OR2L13: variants seen among roughly 807,000 people sequenced by gnomAD.
The protein encoded by OR2L13 is olfactory receptor family 2 subfamily L member 13.
Under a neutral mutation model 15.3 loss-of-function variants are expected in OR2L13, and 14 were observed. The ratio of observed to expected loss-of-function variants is 0.91; its 90% CI spans 0.60 to 1.43. The LOEUF is 1.43. OR2L13 is among the 40% of genes most tolerant of loss of function. The pLI, the probability that OR2L13 is intolerant of heterozygous loss-of-function variation, is 0.00. For missense variants in OR2L13, 367 were observed against 387.9 expected (o/e 0.95, Z 0.45); for synonymous variants, 152 against 142.9 (o/e 1.06, Z -0.45).
the OR2L13 span, among the ~76,000 whole-genome samples, chr1:247,974,015 C>T: frequency 6.6e-6 from 1 of 152,284 alleles, no homozygotes; most frequent in African/African-American, 2.4e-5. Context: ...ATAGCTAAGG[C>T]TGGGAACCAA....
chr1:248,047,538 T>A, the OR2L13 span, among the ~76,000 whole-genome samples: 1 of 152,208 alleles, frequency 6.6e-6, no homozygotes, highest in Non-Finnish European at 1.5e-5. Flanking sequence ...GATTAGTAGC[T>A]GTGCTATAGG....
the OR2L13 span, among the ~76,000 whole-genome samples, chr1:247,970,911 G>T: frequency 6.6e-6 from 1 of 152,124 alleles, no homozygotes; most frequent in Admixed American, 6.6e-5. Flanking sequence ...CTTTCTGAAA[G>T]AACCATTCTT....
At chr1:247,975,837 T>C in the OR2L13 span, among the ~76,000 whole-genome samples, 1 of 152,274 alleles carries the variant, frequency 6.6e-6, no homozygotes, top group African/African-American at 2.4e-5. Context: ...TGTTGTTTTG[T>C]TTTTGCTGTT....
At chr1:247,960,503 G>C in the OR2L13 span, among the ~76,000 whole-genome samples, 2 of 152,180 alleles carry the variant, frequency 1.3e-5, no homozygotes, top group Admixed American at 1.3e-4. Context: ...AGAGGTTTCT[G>C]CTGCCTTTTG....
At chr1:248,031,291 A>G in the OR2L13 span, among the ~76,000 whole-genome samples, 3 of 152,238 alleles carry the variant, frequency 2.0e-5, no homozygotes, top group Non-Finnish European at 4.4e-5. Context: ...TGGAACATGA[A>G]TAATCAAAGA....
chr1:247,975,401 T>C, the OR2L13 span: 3 of 662,410 alleles, frequency 4.5e-6, no homozygotes, highest in Non-Finnish European at 8.6e-6. Flanking sequence ...GTCTACCACA[T>C]TAAATCTGCA....
chr1:247,944,206 CTGTT>C, the OR2L13 span, among the ~76,000 whole-genome samples: 3 of 151,696 alleles, frequency 2.0e-5, no homozygotes, highest in Admixed American at 2.0e-4. Flanking sequence ...GATGAGCTTT[CTGTT>C]TGTGAGAAAA....
At chr1:247,945,819 C>T in the OR2L13 span, among the ~76,000 whole-genome samples, 241 of 152,162 alleles carry the variant, frequency 1.6e-3, 1 homozygote, top group Non-Finnish European at 2.7e-3. Flanking sequence ...GATTGCTACC[C>T]CTGCTTTTTC....
At chr1:248,067,646 G>A in the OR2L13 span, among the ~76,000 whole-genome samples, 216 of 152,344 alleles carry the variant, frequency 1.4e-3, no homozygotes, top group African/African-American at 4.8e-3. Flanking sequence ...AGTGGGCACA[G>A]GACAGTGGGT....
the OR2L13 span, chr1:248,061,117 G>C: frequency 6.2e-7 from 1 of 1,613,844 alleles, no homozygotes; most frequent in East Asian, 2.2e-5. Flanking sequence ...GATGATAACA[G>C]GGTCTTGGAT....
the OR2L13 span, among the ~76,000 whole-genome samples, chr1:247,988,746 G>A: frequency 6.6e-6 from 1 of 152,104 alleles, no homozygotes; most frequent in Non-Finnish European, 1.5e-5. Context: ...AAGAATGCTC[G>A]AACCACCTAT....
the OR2L13 span, among the ~76,000 whole-genome samples, chr1:247,953,525 C>G: frequency 6.6e-6 from 1 of 151,850 alleles, no homozygotes; most frequent in Non-Finnish European, 1.5e-5. Context: ...AGCTGTGGTT[C>G]AATAGTCAAA....
chr1:248,018,937 G>A, the OR2L13 span, among the ~76,000 whole-genome samples: 4 of 152,082 alleles, frequency 2.6e-5, no homozygotes, highest in Non-Finnish European at 5.9e-5. Flanking sequence ...TTTGCATAAT[G>A]TAATCAAAGT....
the OR2L13 span, among the ~76,000 whole-genome samples, chr1:248,088,749 T>C: frequency 6.6e-6 from 1 of 152,208 alleles, no homozygotes; most frequent in Admixed American, 6.5e-5. Context: ...CTTCTGTGTT[T>C]GATTTGCCAT....
chr1:247,976,757 A>G, the OR2L13 span, among the ~76,000 whole-genome samples: 2 of 151,988 alleles, frequency 1.3e-5, no homozygotes, highest in African/African-American at 4.8e-5. Flanking sequence ...TGGCTAATTC[A>G]CTCCTACACT....
the OR2L13 span, among the ~76,000 whole-genome samples, chr1:248,081,858 T>C: frequency 1.1e-4 from 16 of 152,244 alleles, 1 homozygote; most frequent in South Asian, 1.9e-3. Context: ...AAACTGAAGC[T>C]CTATATGAAG....
the OR2L13 span, chr1:248,022,323 T>G: frequency 6.2e-7 from 1 of 1,614,174 alleles, no homozygotes; most frequent in African/African-American, 1.3e-5. Context: ...TGTGGCCATT[T>G]GCTTTCCTCT....
chr1:248,096,890 C>A (rs1010407243), upstream of OR2L13, among the ~76,000 whole-genome samples: 6 of 152,144 alleles, frequency 3.9e-5, no homozygotes, highest in African/African-American at 1.4e-4. Context: ...TCAGGCCCAG[C>A]AAGATTGAAA....
At chr1:248,017,960 G>A in the OR2L13 span, among the ~76,000 whole-genome samples, 10 of 152,066 alleles carry the variant, frequency 6.6e-5, no homozygotes, top group Non-Finnish European at 1.3e-4. Flanking sequence ...TGGCTAACAC[G>A]GTGAAACCCC....
Sources: allele counts gnomAD v4.1 joint callset (sites outside exome capture counted in the v4.1 genomes callset), GRCh38; gene constraint gnomAD v4.1.1; transcripts MANE v1.5; gene names NCBI Gene and HGNC (gene_info 2026-07-23, HGNC 2026-07-21).